SCN3A: variants seen among roughly 807,000 people sequenced by gnomAD.
SCN3A encodes sodium voltage-gated channel alpha subunit 3, also known as sodium channel protein type 3 subunit alpha.
SCN3A carries 60 observed loss-of-function variants against 187.6 expected under a neutral mutation model. The ratio of observed to expected loss-of-function variants is 0.32; its 90% CI spans 0.26 to 0.40. The LOEUF (loss-of-function observed/expected upper bound fraction) is 0.40, where lower values mean the gene tolerates loss of function less well. Among genes scored for constraint, SCN3A ranks in the 10% least tolerant of loss-of-function variants. The pLI, the probability that SCN3A is intolerant of heterozygous loss-of-function variation, is 1.00. For synonymous variants in SCN3A, 788 were observed against 829.2 expected, an observed-to-expected ratio of 0.95 and a Z score of 0.85; for missense variants, 1,601 against 2,428.2, an observed-to-expected ratio of 0.66 and a Z score of 7.16.
chr2:165,198,394 C>T (rs1475909592), intron 1 of SCN3A, among the ~76,000 whole-genome samples: 2 of 151,846 alleles, frequency 1.3e-5, no homozygotes, highest in Non-Finnish European at 2.9e-5. Context: ...TTTATTTTCC[C>T]CAACTGGCGA....
At chr2:165,201,905 A>C (rs752450822) in intron 1 of SCN3A, among the ~76,000 whole-genome samples, 10 of 152,206 alleles carry the variant, frequency 6.6e-5, no homozygotes, top group African/African-American at 2.4e-4. Context: ...AAGTATTCTT[A>C]TACAGCTTTG....
intron 4 of SCN3A, among the ~76,000 whole-genome samples, chr2:165,170,161 G>A (rs1690018293): frequency 6.6e-6 from 1 of 151,886 alleles, no homozygotes; most frequent in African/African-American, 2.4e-5. Flanking sequence ...GCTGATAAAG[G>A]TGTAAGGAGA....
At chr2:165,114,932 A>G (rs1211343601) in intron 19 of SCN3A, among the ~76,000 whole-genome samples, 6 of 152,266 alleles carry the variant, frequency 3.9e-5, no homozygotes, top group East Asian at 1.9e-4. Context: ...CTGTCCAGGA[A>G]TAGTCACTGC....
intron 1 of SCN3A, among the ~76,000 whole-genome samples, chr2:165,194,459 G>A (rs1438303630): frequency 6.6e-6 from 1 of 152,106 alleles, no homozygotes; most frequent in Non-Finnish European, 1.5e-5. Flanking sequence ...CCTGAGGTAG[G>A]TGTGTCACAT....
At chr2:165,122,230 C>CTTTTTTTTTTTTTTTTTTT (rs776949572) in intron 18 of SCN3A, among the ~76,000 whole-genome samples, 1 of 113,916 alleles carries the variant, frequency 8.8e-6, no homozygotes, top group Non-Finnish European at 1.8e-5. Context: ...TTCTTTCTTT[C>CTTTTTTTTTTTTTTTTTTT]TTTTTTTTCT....
intron 11 of SCN3A, among the ~76,000 whole-genome samples, chr2:165,149,179 CTTTTT>C (rs11293055): frequency 6.9e-6 from 1 of 144,944 alleles, no homozygotes. Context: ...CACTTCCAAA[CTTTTT>C]TTTTTTTTTT....
At chr2:165,102,659 G>A (rs775333471) in intron 21 of SCN3A, among the ~76,000 whole-genome samples, 54 of 152,214 alleles carry the variant, frequency 3.5e-4, no homozygotes, top group Admixed American at 1.4e-3. Flanking sequence ...TGTTAGAGAA[G>A]CTGGGCTTAA....
At chr2:165,201,446 T>G (rs1424846394) in intron 1 of SCN3A, among the ~76,000 whole-genome samples, 1 of 152,004 alleles carries the variant, frequency 6.6e-6, no homozygotes, top group Non-Finnish European at 1.5e-5. Context: ...ATTTATGCCT[T>G]TATGTTTGTC....
At chr2:165,175,222 A>C (rs1690377294) in intron 3 of SCN3A, among the ~76,000 whole-genome samples, 1 of 152,180 alleles carries the variant, frequency 6.6e-6, no homozygotes, top group African/African-American at 2.4e-5. Flanking sequence ...TGGTGATACT[A>C]ATTTATCTTT....
At chr2:165,169,824 A>G (rs899746359) in intron 4 of SCN3A, among the ~76,000 whole-genome samples, 2 of 151,890 alleles carry the variant, frequency 1.3e-5, no homozygotes, top group African/African-American at 2.4e-5. Context: ...GCCCTTTTAC[A>G]TATGCTTTTT....
At chr2:165,125,458 C>T (rs906348302) in intron 18 of SCN3A, among the ~76,000 whole-genome samples, 7 of 152,062 alleles carry the variant, frequency 4.6e-5, no homozygotes, top group Admixed American at 3.9e-4. Context: ...TGCCCGCCAC[C>T]GCACCCAGCG....
At chr2:165,131,217 G>T in intron 16 of SCN3A, 27 bp downstream of exon 16, 1 of 1,459,840 alleles carries the variant, frequency 6.9e-7, no homozygotes, top group Non-Finnish European at 9.2e-7. Flanking sequence ...GTGCCAATGA[G>T]CGACAGGGAT....
chr2:165,156,512 C>CAAAAAAAAAA (rs558407270), intron 9 of SCN3A, among the ~76,000 whole-genome samples: 10 of 63,700 alleles, frequency 1.6e-4, no homozygotes, highest in East Asian at 5.6e-4. Context: ...GACTCTGACT[C>CAAAAAAAAAA]AAAAAAAAAA....
intron 5 of SCN3A, among the ~76,000 whole-genome samples, chr2:165,165,018 T>C (rs1689659353): frequency 6.6e-6 from 1 of 152,216 alleles, no homozygotes; most frequent in Non-Finnish European, 1.5e-5. Flanking sequence ...GGCTTCCTCA[T>C]CAGACAGTAC....
At chr2:165,180,260 C>T (rs903258693) in intron 2 of SCN3A, among the ~76,000 whole-genome samples, 5 of 152,262 alleles carry the variant, frequency 3.3e-5, no homozygotes, top group African/African-American at 4.8e-5. Context: ...AGGGATTCTA[C>T]GAATCAGTAC....
intron 18 of SCN3A, among the ~76,000 whole-genome samples, chr2:165,125,397 G>C (rs772559798): frequency 1.3e-5 from 2 of 151,878 alleles, no homozygotes; most frequent in Non-Finnish European, 2.9e-5. Flanking sequence ...TCCGCCTACC[G>C]GGTTCACACC....
In SCN3A at chr2:165,096,412, C is replaced by T. The variant is rs534632326; in HGVS notation, c.4293+55G>A. The T allele has an allele frequency of 2.0e-5, 27 of 1,377,432 alleles. No homozygotes were observed. The South Asian group carries it at 3.1e-4, about 16-fold the overall frequency. The allele number at this position is 1,377,432 out of a possible 1,614,324, so 85.3% of individuals were successfully genotyped here. ...GATGTATCAGTGTTTAAATTACCAC[C>T]AATATTCACCATAAGAAATCTAGAA... On this transcript the variant is annotated intron_variant, in intron 24 of 27. Coordinates refer to ENST00000283254, the MANE Select transcript of SCN3A (RefSeq NM_006922.4).
chr2:165,096,115 C>T (rs537633194), intron 24 of SCN3A, among the ~76,000 whole-genome samples: 5 of 152,126 alleles, frequency 3.3e-5, no homozygotes, highest in African/African-American at 1.2e-4. Flanking sequence ...TTTTCTGTAT[C>T]ATGATATTCT....
At chr2:165,156,763 G>A (rs1452935829) in intron 9 of SCN3A, among the ~76,000 whole-genome samples, 4 of 152,064 alleles carry the variant, frequency 2.6e-5, no homozygotes, top group African/African-American at 7.2e-5. Flanking sequence ...ACGCTGCCCA[G>A]GCTGGTCTGA....
Sources: gnomAD v4.1 joint callset for allele counts (sites outside exome capture counted in the v4.1 genomes callset) on GRCh38, gnomAD v4.1.1 for gene constraint, MANE v1.5 for transcripts, NCBI Gene and HGNC (gene_info 2026-07-23, HGNC 2026-07-21) for gene names.